Variants in TEAD1 observed in about 807,000 individuals in gnomAD.
TEAD1 encodes transcriptional enhancer factor TEF-1.
In TEAD1, 9 loss-of-function variants were observed where a neutral mutation model predicts 54.9. The observed-to-expected ratio is 0.16, with a 90% CI of 0.10 to 0.29. TEAD1 has a LOEUF of 0.29. TEAD1 is among the 10% of genes least tolerant of loss of function. The pLI is 1.00. For missense variants in TEAD1, 387 were observed against 535.9 expected, an observed-to-expected ratio of 0.72 and a Z score of 2.74; for synonymous variants, 200 against 187.8, an observed-to-expected ratio of 1.07 and a Z score of -0.53.
intron 3 of TEAD1, among the ~76,000 whole-genome samples, chr11:12,805,801 C>G (rs1590169171): frequency 6.6e-6 from 1 of 152,320 alleles, no homozygotes; most frequent in East Asian, 1.9e-4. Flanking sequence ...CTTGTACCTT[C>G]CAAAGAATTG....
chr11:12,802,737 G>A (rs1355164178), intron 3 of TEAD1, among the ~76,000 whole-genome samples: 1 of 152,172 alleles, frequency 6.6e-6, no homozygotes, highest in East Asian at 1.9e-4. Context: ...AGATATGAGC[G>A]ATGTGCCGAT....
intron 3 of TEAD1, among the ~76,000 whole-genome samples, chr11:12,779,592 T>G (rs1945503414): frequency 6.6e-6 from 1 of 152,238 alleles, no homozygotes; most frequent in Admixed American, 6.5e-5. Flanking sequence ...GTTCATTCTT[T>G]GAGAGCACTA....
intron 4 of TEAD1, among the ~76,000 whole-genome samples, chr11:12,863,563 T>A (rs889623142): frequency 6.6e-6 from 1 of 152,192 alleles, no homozygotes; most frequent in Non-Finnish European, 1.5e-5. Context: ...GGACCGTTTA[T>A]TATAAATCCT....
chr11:12,676,450 T>C (rs1943092168), intron 2 of TEAD1, among the ~76,000 whole-genome samples: 1 of 152,216 alleles, frequency 6.6e-6, no homozygotes, highest in Non-Finnish European at 1.5e-5. Context: ...GAGGCACAGA[T>C]TGGGGAACAG....
chr11:12,711,366 T>G (rs1166970012), intron 2 of TEAD1, among the ~76,000 whole-genome samples: 5 of 152,300 alleles, frequency 3.3e-5, no homozygotes, highest in Middle Eastern at 3.4e-3. Context: ...TAAATCCAGG[T>G]TTGTCTAATG....
At chr11:12,689,701 T>C (rs950910972) in intron 2 of TEAD1, among the ~76,000 whole-genome samples, 4 of 152,120 alleles carry the variant, frequency 2.6e-5, no homozygotes, top group African/African-American at 7.2e-5. Flanking sequence ...TCAGTGTCTT[T>C]GCTTTGGGAA....
At chr11:12,773,123 T>C (rs1945346772) in intron 3 of TEAD1, among the ~76,000 whole-genome samples, 1 of 152,224 alleles carries the variant, frequency 6.6e-6, no homozygotes, top group Admixed American at 6.5e-5. Context: ...CTTTTTATCA[T>C]TGAGTAGTAT....
intron 10 of TEAD1, among the ~76,000 whole-genome samples, chr11:12,921,830 G>T (rs1948812328): frequency 6.6e-6 from 1 of 152,138 alleles, no homozygotes; most frequent in Admixed American, 6.5e-5. Flanking sequence ...GAGTTCAGAT[G>T]CTGATCTCAT....
intron 2 of TEAD1, among the ~76,000 whole-genome samples, chr11:12,706,753 G>C (rs961426086): frequency 6.6e-6 from 1 of 152,154 alleles, no homozygotes; most frequent in Non-Finnish European, 1.5e-5. Context: ...GGCTAGCCCT[G>C]ATGCACATGT....
intron 9 of TEAD1, among the ~76,000 whole-genome samples, chr11:12,895,184 G>A (rs933165674): frequency 4.6e-5 from 7 of 151,150 alleles, no homozygotes; most frequent in African/African-American, 9.8e-5. Flanking sequence ...GAAGGAAGAC[G>A]AAAGTCCTTT....
At chr11:12,904,273 C>T (rs1948477440) in intron 10 of TEAD1, among the ~76,000 whole-genome samples, 1 of 149,566 alleles carries the variant, frequency 6.7e-6, no homozygotes, top group Non-Finnish European at 1.5e-5. Context: ...TAAGTTTTAT[C>T]ACATCAAGGA....
chr11:12,676,013 C>G (rs576914649), intron 2 of TEAD1, among the ~76,000 whole-genome samples: 1 of 152,116 alleles, frequency 6.6e-6, no homozygotes, highest in Non-Finnish European at 1.5e-5. Context: ...GAAAATTGAC[C>G]TCAGTGAGCC....
intron 2 of TEAD1, among the ~76,000 whole-genome samples, chr11:12,728,954 G>A (rs1029229615): frequency 2.0e-5 from 3 of 152,188 alleles, no homozygotes; most frequent in African/African-American, 7.2e-5. Flanking sequence ...TTGTGAAGAG[G>A]TATCAGCCCT....
chr11:12,885,393 G>T (rs1014078879), intron 9 of TEAD1, among the ~76,000 whole-genome samples: 7 of 151,994 alleles, frequency 4.6e-5, no homozygotes, highest in South Asian at 2.1e-4. Context: ...CCGCCACTAC[G>T]CCTGGCTAAT....
At chr11:12,914,372 C>T (rs911020427) in intron 10 of TEAD1, among the ~76,000 whole-genome samples, 5 of 152,184 alleles carry the variant, frequency 3.3e-5, no homozygotes, top group East Asian at 1.9e-4. Context: ...TGAAGAGCCA[C>T]GGCTGAGTTT....
intron 12 of TEAD1, 146 bp downstream of exon 12, chr11:12,930,472 T>G (rs749316359): frequency 1.3e-4 from 118 of 903,400 alleles, no homozygotes; most frequent in Non-Finnish European, 1.9e-4. Context: ...AGTCAGCAGT[T>G]GAATTTGCAT....
At chr11:12,707,915 A>G (rs922565318) in intron 2 of TEAD1, among the ~76,000 whole-genome samples, 2 of 152,266 alleles carry the variant, frequency 1.3e-5, no homozygotes, top group Non-Finnish European at 2.9e-5. Flanking sequence ...GGACTAAAGT[A>G]TATGAATGAA....
chr11:12,821,703 C>T (rs1410426455), intron 3 of TEAD1, among the ~76,000 whole-genome samples: 4 of 152,002 alleles, frequency 2.6e-5, no homozygotes, highest in Non-Finnish European at 5.9e-5. Flanking sequence ...ATGCCCAGAT[C>T]CAATTTCATG....
chr11:12,877,257 G>C (rs76841780), intron 5 of TEAD1, among the ~76,000 whole-genome samples: 5,904 of 152,258 alleles, frequency 0.039, 130 homozygotes, highest in South Asian at 0.097. Context: ...GGCCACGGGA[G>C]GTGTCATTAC....
Sources: gnomAD v4.1 joint callset for allele counts (sites outside exome capture counted in the v4.1 genomes callset) on GRCh38, gnomAD v4.1.1 for gene constraint, MANE v1.5 for transcripts, NCBI Gene and HGNC (gene_info 2026-07-23, HGNC 2026-07-21) for gene names.